Variants in RERE observed in about 807,000 individuals in gnomAD.
RERE encodes the protein arginine-glutamic acid dipeptide repeats protein.
Under a neutral mutation model 146.1 loss-of-function variants are expected in RERE, and 40 were observed. The ratio of observed to expected loss-of-function variants is 0.27; its 90% CI spans 0.21 to 0.36. RERE has a LOEUF of 0.36. Ranked by LOEUF, RERE falls within the 10% of genes least tolerant of loss-of-function variation. The pLI is 1.00. For missense variants in RERE, 1,933 were observed against 2,138.7 expected (o/e 0.90, Z 1.90); for synonymous variants, 1,003 against 866.0 (o/e 1.16, Z -2.78).
At chr1:8,613,386 C>T (rs187693162) in intron 4 of RERE, among the ~76,000 whole-genome samples, 2 of 152,296 alleles carry the variant, frequency 1.3e-5, no homozygotes, top group East Asian at 1.9e-4. Context: ...CTCCCAGACT[C>T]GTCAGCCTCA....
At chr1:8,421,070 T>C (rs1370950688) in intron 12 of RERE, among the ~76,000 whole-genome samples, 1 of 152,264 alleles carries the variant, frequency 6.6e-6, no homozygotes, top group African/African-American at 2.4e-5. Flanking sequence ...AATTTAGATT[T>C]AATGCTTAAT....
At chr1:8,582,132 C>T (rs1157779578) in intron 4 of RERE, among the ~76,000 whole-genome samples, 1 of 152,102 alleles carries the variant, frequency 6.6e-6, no homozygotes, top group African/African-American at 2.4e-5. Context: ...AAATCTCCAA[C>T]CTCAGCTACC....
At chr1:8,417,568 T>A (rs1243455892) in intron 12 of RERE, among the ~76,000 whole-genome samples, 1 of 152,168 alleles carries the variant, frequency 6.6e-6, no homozygotes, top group Admixed American at 6.5e-5. Context: ...AGGCTTCCCT[T>A]CCCATTAACT....
intron 2 of RERE, among the ~76,000 whole-genome samples, chr1:8,642,483 A>G (rs1365596389): frequency 1.3e-5 from 2 of 152,232 alleles, no homozygotes; most frequent in African/African-American, 2.4e-5. Flanking sequence ...TGTAAGTCTA[A>G]TTAACTTATA....
chr1:8,519,876 A>T (rs1645468382), intron 7 of RERE: 1 of 152,142 alleles, frequency 6.6e-6, no homozygotes, highest in Non-Finnish European at 1.5e-5. Flanking sequence ...ATACATTTTT[A>T]ATAAATAAAT....
intron 6 of RERE, 72 bp downstream of exon 6, chr1:8,556,403 G>T: frequency 1.1e-6 from 1 of 892,632 alleles, no homozygotes; most frequent in Non-Finnish European, 1.9e-6. Flanking sequence ...AAAAGATCAG[G>T]AGAAATTACT....
chr1:8,695,036 G>C (rs146882204), intron 1 of RERE, among the ~76,000 whole-genome samples: 1 of 144,394 alleles, frequency 6.9e-6, no homozygotes, highest in South Asian at 2.2e-4. Context: ...ATAAGGCTAC[G>C]GTAATCAAAA....
intron 10 of RERE, among the ~76,000 whole-genome samples, chr1:8,477,513 ATTTGT>A (rs1644771789): frequency 1.3e-5 from 2 of 152,208 alleles, no homozygotes; most frequent in South Asian, 4.1e-4. Flanking sequence ...ACAGAAAAAA[ATTTGT>A]GACATGAAAC....
chr1:8,505,763 T>C (rs1645241614), intron 8 of RERE, among the ~76,000 whole-genome samples: 1 of 152,226 alleles, frequency 6.6e-6, no homozygotes, highest in Non-Finnish European at 1.5e-5. Flanking sequence ...ATTCCTGAGC[T>C]GAAATGATCT....
intron 19 of RERE, among the ~76,000 whole-genome samples, chr1:8,359,444 C>T (rs146540453): frequency 4.7e-4 from 72 of 152,320 alleles, no homozygotes; most frequent in African/African-American, 1.5e-3. Flanking sequence ...TGCTTCTCCC[C>T]GACTCCTTCA....
intron 11 of RERE, among the ~76,000 whole-genome samples, chr1:8,461,719 C>A (rs1160416168): frequency 6.6e-6 from 1 of 151,956 alleles, no homozygotes; most frequent in Admixed American, 6.6e-5. Flanking sequence ...CTCCAGAATT[C>A]ATGATTATCT....
intron 12 of RERE, among the ~76,000 whole-genome samples, chr1:8,378,463 A>G (rs1642338198): frequency 6.6e-6 from 1 of 152,170 alleles, no homozygotes; most frequent in African/African-American, 2.4e-5. Flanking sequence ...TCTCAATGTG[A>G]CTTTATTTGG....
At chr1:8,400,222 ATGTGTGTGTGTG>A (rs1553161719) in intron 12 of RERE, among the ~76,000 whole-genome samples, 39 of 140,152 alleles carry the variant, frequency 2.8e-4, no homozygotes, top group Middle Eastern at 7.2e-3. Context: ...CCTGTGTCAT[ATGTGTGTGTGTG>A]TGTGTGTGTG....
chr1:8,728,127 G>A lies in RERE; in HGVS notation c.-144-71686C>T, dbSNP rs1233830409. On this transcript the variant is annotated intron_variant, in intron 1 of 22. Coordinates refer to ENST00000400908, the MANE Select transcript of RERE (RefSeq NM_001042681.2). ...CTTGCCAGGCAACCAGAGCTCTAAA[G>A]GGATCTTAATGCACTAATGAGAAGC... Among the ~76,000 whole-genome samples, 7 of 152,328 alleles carry A rather than the reference G, an allele frequency of 4.6e-5. 1 individual carries two copies. In the South Asian group the frequency reaches 8.3e-4, roughly 18 times the overall value.
chr1:8,812,595 G>A (rs760153136), intron 1 of RERE, among the ~76,000 whole-genome samples: 1 of 152,134 alleles, frequency 6.6e-6, no homozygotes, highest in East Asian at 1.9e-4. Flanking sequence ...GCAGTGAGCC[G>A]AGATCGTGCC....
At chr1:8,397,806 C>CT (rs1249006191) in intron 12 of RERE, among the ~76,000 whole-genome samples, 2 of 152,220 alleles carry the variant, frequency 1.3e-5, no homozygotes, top group South Asian at 4.1e-4. Context: ...GCTATTTGTA[C>CT]TTTCTGATTT....
chr1:8,617,782 T>C (rs1358600832), intron 3 of RERE, among the ~76,000 whole-genome samples: 1 of 152,232 alleles, frequency 6.6e-6, no homozygotes, highest in African/African-American at 2.4e-5. Context: ...GTCAGTCATA[T>C]GGAAAACTCA....
rs1478747489 is a variant in RERE at position 8,360,806 on chromosome 1, G to T, written c.2701C>A (p.Pro901Thr). ...GACTGCAGCGCTGACTGAGAGGCTG[G>T]CAGCTGCAGGGAGGTGTGAGGGTAC... ...AAYPHTSLQL[P>T]ASQSALQSQQ... Residue 901 changes from proline to threonine, a missense_variant, in exon 18 of 23, where the codon CCA becomes ACA. By Grantham distance (38) the Pro-to-Thr change is conservative (BLOSUM62 -1). This residue lies in a region of RERE where 1,255 missense variants were observed against 1,153.8 expected (regional missense o/e 1.09). Coordinates refer to ENST00000400908, the MANE Select transcript of RERE (RefSeq NM_001042681.2). 1.3e-6 allele frequency: 2 copies of T among 1,572,824 alleles called. No individual in the cohort carries two copies. The highest frequency in any genetic ancestry group is 8.6e-7 in the Non-Finnish European group (1 of 1,165,060).
At position 8,364,342 on chromosome 1, in the gene RERE, T is replaced by C. The variant is rs1378808895; in HGVS notation, c.1541-87A>G. On this transcript the variant is annotated intron_variant, in intron 14 of 22. Transcript: ENST00000400908. The surrounding 1 kb of genome is among the most constrained non-coding windows in gnomAD (Gnocchi z 5.1). ...GGCAGAGGGGCCCTTCTGTGGGCTC[T>C]ACCCAAACCTGATGCCACCAGCACC... 1 of 1,187,388 alleles carries C rather than the reference T, an allele frequency of 8.4e-7. No homozygotes were observed. Among genetic ancestry groups the C allele is most frequent in the Non-Finnish European group, 1.2e-6 (1 of 804,912 alleles). 73.6% of individuals were successfully genotyped at this position (1,187,388 alleles called of 1,614,324 possible).
Sources: allele counts gnomAD v4.1 joint callset (sites outside exome capture counted in the v4.1 genomes callset), GRCh38; gene constraint gnomAD v4.1.1; regional missense constraint gnomAD v4.1.1; non-coding constraint Gnocchi (gnomAD v3.1); transcripts MANE v1.5; gene names NCBI Gene and HGNC (gene_info 2026-07-23, HGNC 2026-07-21).